Variants in HELZ2 observed in about 807,000 individuals in gnomAD.
HELZ2 encodes 3'-5' exoribonuclease HELZ2.
A neutral mutation model predicts 208.8 loss-of-function variants in HELZ2; 143 were observed. That is an observed-to-expected ratio of 0.68 (90% CI 0.60 to 0.79). The LOEUF (loss-of-function observed/expected upper bound fraction) is 0.79. Among genes scored for constraint, HELZ2 ranks in the 30% least tolerant of loss-of-function variants. The pLI, the probability that HELZ2 is intolerant of heterozygous loss-of-function variation, is 0.00. For synonymous variants in HELZ2, 1,705 were observed against 1,693.7 expected (o/e 1.01, Z -0.16); for missense variants, 3,690 against 3,794.5 (o/e 0.97, Z 0.72).
intron 18 of HELZ2, among the ~76,000 whole-genome samples, chr20:63,559,612 G>A (rs1319765860): frequency 1.3e-5 from 1 of 78,606 alleles, no homozygotes; most frequent in Non-Finnish European, 3.0e-5. Flanking sequence ...GTCAGGGTCA[G>A]ATGGGAGTCA....
intron 3 of HELZ2, chr20:63,570,297 C>T (rs1405475680): frequency 1.4e-6 from 1 of 701,590 alleles, no homozygotes; most frequent in South Asian, 1.5e-5. Context: ...ATAGAATAAC[C>T]CTGCCAAGGT....
In HELZ2 at chr20:63,562,416, G is replaced by A. The variant is rs374286907; in HGVS notation, c.6303-34C>T. The A allele has an allele frequency of 1.6e-4, 250 of 1,551,914 alleles. 1 individual carries two copies. The African/African-American group carries it at 3.1e-3, about 19-fold the overall frequency. On this transcript the variant is annotated intron_variant, in intron 8 of 18. Coordinates refer to ENST00000467148, the Ensembl canonical transcript of HELZ2. ...GAAGGCAGACACTGGAAAACCAACA[G>A]GACTCCCAGGAAAGGGGCTGCTGCC...
chr20:63,572,537 A>G, upstream of HELZ2: 2 of 827,474 alleles, frequency 2.4e-6, no homozygotes, highest in Non-Finnish European at 3.6e-6. Context: ...CTCGGCGCTC[A>G]CGTGGGCCAG....
At chr20:63,572,553 AG>A, upstream of HELZ2, 2 of 691,486 alleles carry the variant, frequency 2.9e-6, no homozygotes, top group Non-Finnish European at 4.7e-6. Flanking sequence ...GCCAGGAGGG[AG>A]GGGCAGGCTC....
intron 5 of HELZ2, 121 bp from the exon 7 acceptor site, chr20:63,567,748 G>A (rs1340864460): frequency 3.4e-6 from 5 of 1,466,706 alleles, no homozygotes; most frequent in Non-Finnish European, 4.5e-6. Flanking sequence ...GCTGTCAGAG[G>A]TGAGCAGCAA....
chr20:63,570,718 G>A lies in HELZ2; in HGVS notation c.429C>T (p.Ala143=), dbSNP rs1467984939. ...CCTCACTGCTGCTGCGCTGGTACTC[G>A]GCCAGCAGCCGCTCCTGGTAGGGCA... Residue 143 remains alanine, a synonymous_variant, in exon 2 of 19, where the codon GCC becomes GCT. Coordinates refer to ENST00000467148, the Ensembl canonical transcript of HELZ2. 19 of 1,541,178 alleles carry A rather than the reference G, an allele frequency of 1.2e-5. No individual in the cohort carries two copies. The East Asian group carries it at 2.5e-4, about 20-fold the overall frequency.
chr20:63,570,736 G>C lies in HELZ2; in HGVS notation c.411C>G (p.Tyr137Ter). The C allele has an allele frequency of 1.2e-6, 2 of 1,608,642 alleles. No individual in the cohort carries two copies. The highest frequency in any genetic ancestry group is 1.7e-6 in the Non-Finnish European group (2 of 1,177,604). Residue 137 changes from tyrosine (Y) to a stop codon, truncating the protein, a stop_gained, in exon 2 of 19, where the codon TAC becomes TAG. Coordinates refer to ENST00000467148, the Ensembl canonical transcript of HELZ2. LOFTEE classifies it high-confidence loss of function. ...GGTACTCGGCCAGCAGCCGCTCCTGGTAGGGCACCAGCCCGTCCTGCCAGG... is the reference window on the plus strand; with the variant it reads ...GGTACTCGGCCAGCAGCCGCTCCTGCTAGGGCACCAGCCCGTCCTGCCAGG...
At chr20:63,573,869 C>T (rs1007370383), upstream of HELZ2, among the ~76,000 whole-genome samples, 2 of 152,162 alleles carry the variant, frequency 1.3e-5, no homozygotes, top group African/African-American at 2.4e-5. The surrounding 1 kb of genome is among the most constrained non-coding windows in gnomAD (Gnocchi z 4.9). Flanking sequence ...GCACTCCCCG[C>T]GGACCCCTCT....
Position 63,564,747 on chromosome 20 carries a change from CA to C in HELZ2, c.4074del (p.Ser1358ArgfsTer83). 6.2e-7 allele frequency: 1 copy of C among 1,611,882 alleles called. No individual in the cohort carries two copies. The highest frequency in any genetic ancestry group is 8.5e-7 in the Non-Finnish European group (1 of 1,179,372). On this transcript the variant is annotated frameshift_variant, in exon 8 of 19. Coordinates refer to ENST00000467148, the Ensembl canonical transcript of HELZ2. LOFTEE classifies it high-confidence loss of function. The stretch of plus-strand genomic sequence containing the variant: ...TCGCACCTGGGACCCAGGTCTCGGA[CA>C]CTGAGGGCATCATCGAGGTTGCAGG...
chr20:63,567,978 G>T, intron 5 of HELZ2: 1 of 544,254 alleles, frequency 1.8e-6, no homozygotes, highest in Non-Finnish European at 3.2e-6. Context: ...CCCCGGCCTG[G>T]GGAGGTGGTG....
At chr20:63,563,174 A>T in exon 8 of HELZ2, 1 of 1,592,828 alleles carries the variant, frequency 6.3e-7, no homozygotes. Context: ...CTGCACCTGC[A>T]GGGTGTCCCC....
chr20:63,565,035 G>C (rs768705801), exon 8 of HELZ2: 2 of 1,571,862 alleles, frequency 1.3e-6, no homozygotes, highest in Admixed American at 3.7e-5. Flanking sequence ...CAGAAGAGCC[G>C]GCTGTGCCGG....
At chr20:63,562,944 C>T (rs1296224480) in exon 8 of HELZ2, 5 of 1,590,414 alleles carry the variant, frequency 3.1e-6, no homozygotes, top group South Asian at 1.1e-5. Flanking sequence ...GAGTCATTCT[C>T]GGCAACCGCG....
At chr20:63,566,122 G>A (rs750153699) in exon 8 of HELZ2, 43 of 1,579,004 alleles carry the variant, frequency 2.7e-5, no homozygotes, top group South Asian at 1.8e-4. Context: ...GGGTCAGGAC[G>A]GTGTTGAGCA....
chr20:63,563,777 A>G (rs2082916002), exon 8 of HELZ2: 1 of 1,604,476 alleles, frequency 6.2e-7, no homozygotes. Flanking sequence ...CCGCTGCAAC[A>G]CCACGTCCAG....
In HELZ2 at chr20:63,562,125, A is replaced by G. The variant is rs150908585; in HGVS notation, c.6476T>C (p.Val2159Ala). The G allele has an allele frequency of 1.6e-4, 259 of 1,583,330 alleles. No individual in the cohort carries two copies. The African/African-American group carries it at 3.1e-3, about 19-fold the overall frequency. ...CTTCTCCAGAGCCTCCCTGACCGCC[A>G]CGTTCTGGCTGGGGTTCAGCTTGTG... The change falls in exon 10 of 19, where the codon GTG becomes GCG. Residue 2159 changes from valine to alanine, a missense_variant. Coordinates refer to ENST00000467148, the Ensembl canonical transcript of HELZ2.
downstream of HELZ2, chr20:63,558,912 G>A (rs62206965): frequency 0.019 from 4,392 of 226,558 alleles, 80 homozygotes; most frequent in Non-Finnish European, 0.026. Flanking sequence ...GATTACAGGT[G>A]GCGTCCAAAG....
At chr20:63,570,661 C>CCCCCCCCCCCCCCGGCCCCCAA in intron 2 of HELZ2, 24 bp downstream of exon 3, 1 of 1,580,154 alleles carries the variant, frequency 6.3e-7, no homozygotes, top group Non-Finnish European at 8.6e-7. Flanking sequence ...CACCCCACCC[C>CCCCCCCCCCCCCCGGCCCCCAA]ACCCACTCCC....
upstream of HELZ2, chr20:63,572,845 G>A (rs1427347952): frequency 6.2e-6 from 1 of 160,930 alleles, no homozygotes; most frequent in Non-Finnish European, 1.4e-5. Context: ...GCCCAGGGCT[G>A]TAGTAGTGGC....
Sources: allele counts gnomAD v4.1 joint callset (sites outside exome capture counted in the v4.1 genomes callset), GRCh38; gene constraint gnomAD v4.1.1; non-coding constraint Gnocchi (gnomAD v3.1); transcripts MANE v1.5; gene names NCBI Gene and HGNC (gene_info 2026-07-23, HGNC 2026-07-21).